COBL: variants seen among roughly 807,000 people sequenced by gnomAD.
COBL encodes the protein cordon-bleu WH2 repeat protein, also known as protein cordon-bleu.
A neutral mutation model predicts 98.8 loss-of-function variants in COBL; 51 were observed. The observed-to-expected ratio is 0.52, with a 90% CI of 0.41 to 0.65. COBL has a LOEUF of 0.65. Among genes scored for constraint, COBL ranks in the 30% least tolerant of loss-of-function variants. COBL has a pLI of 0.00. For synonymous variants in COBL, 634 were observed against 651.7 expected, an observed-to-expected ratio of 0.97 and a Z score of 0.41; for missense variants, 1,617 against 1,617.5, an observed-to-expected ratio of 1.00 and a Z score of 0.01.
rs141120515 is a variant in COBL at position 51,157,806 on chromosome 7, C to T, written c.784-21475G>A. Among the ~76,000 whole-genome samples the T allele has an allele frequency of 3.6e-4, 55 of 152,100 alleles. No homozygotes were observed. The East Asian group carries it at 8.7e-3, about 24-fold the overall frequency. ...TAAAACGGTAGACTTTAAATGTTAC[C>T]ACAAAAATATAAGTATGTGAGGTCA... On this transcript the variant is annotated intron_variant, in intron 5 of 12. Transcript: ENST00000265136.
chr7:51,289,998 G>A (rs1390830603), intron 1 of COBL, among the ~76,000 whole-genome samples: 1 of 152,104 alleles, frequency 6.6e-6, no homozygotes, highest in Non-Finnish European at 1.5e-5. Context: ...CGAGGGCCTT[G>A]GGAAAACAAA....
chr7:51,194,440 T>C (rs1028382932), intron 2 of COBL, among the ~76,000 whole-genome samples: 4 of 152,236 alleles, frequency 2.6e-5, no homozygotes, highest in Non-Finnish European at 5.9e-5. Context: ...TGTGTCTTTA[T>C]GACAGAATGA....
chr7:51,023,704 G>A (rs1311380987), intron 12 of COBL, among the ~76,000 whole-genome samples: 2 of 152,232 alleles, frequency 1.3e-5, no homozygotes, highest in South Asian at 2.1e-4. Context: ...TCAGTGCCCC[G>A]AGGCTTCTGA....
intron 5 of COBL, among the ~76,000 whole-genome samples, chr7:51,151,623 C>T (rs995208821): frequency 2.6e-5 from 4 of 152,182 alleles, no homozygotes; most frequent in African/African-American, 9.6e-5. Context: ...CAAAGAGAGG[C>T]GGAATAAACA....
intron 1 of COBL, among the ~76,000 whole-genome samples, chr7:51,245,307 C>T (rs1043650319): frequency 1.3e-5 from 2 of 152,200 alleles, no homozygotes; most frequent in African/African-American, 2.4e-5. Context: ...CCTTCTAAAA[C>T]CCAGCCCATA....
At chr7:51,046,201 C>A (rs1789673939) in intron 7 of COBL, among the ~76,000 whole-genome samples, 1 of 152,170 alleles carries the variant, frequency 6.6e-6, no homozygotes, top group South Asian at 2.1e-4. Flanking sequence ...TGGGACCCGT[C>A]CAGGAAAGAC....
intron 1 of COBL, among the ~76,000 whole-genome samples, chr7:51,245,518 G>A (rs1316121457): frequency 6.6e-6 from 1 of 152,204 alleles, no homozygotes. Context: ...GCAGCTTGCT[G>A]AAGTGTGAGC....
intron 9 of COBL, among the ~76,000 whole-genome samples, chr7:51,029,792 A>C (rs566095868): frequency 6.6e-6 from 1 of 152,364 alleles, no homozygotes; most frequent in African/African-American, 2.4e-5. Flanking sequence ...AGCTGTTTGC[A>C]GATCCATGAT....
intron 6 of COBL, among the ~76,000 whole-genome samples, chr7:51,123,845 C>A (rs1429140341): frequency 1.3e-5 from 2 of 152,156 alleles, no homozygotes; most frequent in East Asian, 3.9e-4. Flanking sequence ...ACCCACATCA[C>A]CCCAGGCAGA....
At chr7:51,181,084 T>C (rs1788903295) in intron 5 of COBL, among the ~76,000 whole-genome samples, 1 of 152,188 alleles carries the variant, frequency 6.6e-6, no homozygotes, top group Non-Finnish European at 1.5e-5. Flanking sequence ...GGGGTTCCCT[T>C]AAAATTCCTC....
chr7:51,165,441 A>C (rs1334947440), intron 5 of COBL, among the ~76,000 whole-genome samples: 1 of 152,022 alleles, frequency 6.6e-6, no homozygotes, highest in Non-Finnish European at 1.5e-5. Context: ...ACAGGCACCA[A>C]ACACTGAAGC....
At chr7:51,121,419 T>G (rs183095547) in intron 6 of COBL, among the ~76,000 whole-genome samples, 336 of 151,416 alleles carry the variant, frequency 2.2e-3, no homozygotes, top group Admixed American at 3.7e-3. Context: ...ACATCCCTTA[T>G]CACATACATA....
chr7:51,047,812 G>C (rs141612005), intron 7 of COBL, among the ~76,000 whole-genome samples: 1 of 152,290 alleles, frequency 6.6e-6, no homozygotes, highest in African/African-American at 2.4e-5. Context: ...GGAAGAAAGG[G>C]AAAAATTACA....
intron 7 of COBL, among the ~76,000 whole-genome samples, chr7:51,047,654 T>C (rs952234394): frequency 2.6e-5 from 4 of 152,192 alleles, no homozygotes; most frequent in African/African-American, 9.6e-5. Flanking sequence ...CAAATTTATA[T>C]GGCCCAGAGA....
At chr7:51,108,811 G>A (rs1313582799) in intron 6 of COBL, among the ~76,000 whole-genome samples, 2 of 152,038 alleles carry the variant, frequency 1.3e-5, no homozygotes, top group African/African-American at 4.8e-5. Flanking sequence ...CCTTGGGGAG[G>A]TCACCCTGAG....
chr7:51,073,802 T>C (rs1792796174), intron 7 of COBL, among the ~76,000 whole-genome samples: 1 of 152,190 alleles, frequency 6.6e-6, no homozygotes, highest in Non-Finnish European at 1.5e-5. Flanking sequence ...AAACAGACCA[T>C]ATGGCTTTGT....
intron 6 of COBL, among the ~76,000 whole-genome samples, chr7:51,122,462 G>C (rs1469856860): frequency 6.6e-6 from 1 of 152,208 alleles, no homozygotes. Flanking sequence ...CTGGACGCCA[G>C]AGATGATCTC....
rs1000546337 is a variant in COBL at position 51,209,859 on chromosome 7, C to T, written c.245+9882G>A. Among the ~76,000 whole-genome samples, 3 of 152,202 alleles carry T rather than the reference C, an allele frequency of 2.0e-5. No individual in the cohort carries two copies. In the South Asian group the frequency reaches 6.3e-4, roughly 32 times the overall value. On this transcript the variant is annotated intron_variant, in intron 2 of 12. Transcript: ENST00000265136. ...ACAGATACAAATCAGTTGTCAAACA[C>T]AAAAATTACACGAATGCAACTACTG...
chr7:51,220,849 C>T lies in COBL; in HGVS notation c.42-905G>A, dbSNP rs373862625. 1.3e-4 allele frequency among the ~76,000 whole-genome samples: 20 copies of T among 152,108 alleles called. No individual in the cohort carries two copies. The South Asian group carries it at 2.1e-3, about 16-fold the overall frequency. On this transcript the variant is annotated intron_variant, in intron 1 of 12. Transcript: ENST00000265136. ...GAACATTTTTAGAAATTCTTGTTTC[C>T]GCCAGATTAGCCAGGGAAAGCAACT...
Sources: allele counts gnomAD v4.1 joint callset (sites outside exome capture counted in the v4.1 genomes callset), GRCh38; gene constraint gnomAD v4.1.1; transcripts MANE v1.5; gene names NCBI Gene and HGNC (gene_info 2026-07-23, HGNC 2026-07-21).